The following APBB1 variants were observed in gnomAD, a reference collection of about 807,000 sequenced individuals.
APBB1 encodes adaptor protein FE65a2.
In APBB1, 22 loss-of-function variants were observed where a neutral mutation model predicts 78.4. The observed-to-expected ratio is 0.28, with a 90% confidence interval of 0.20 to 0.40. The LOEUF (loss-of-function observed/expected upper bound fraction) is 0.40. Ranked by LOEUF, APBB1 falls within the 10% of genes least tolerant of loss-of-function variation. APBB1 has a pLI of 1.00. For missense variants in APBB1, 749 were observed against 932.4 expected (o/e 0.80, Z 2.56); for synonymous variants, 369 against 372.7 (o/e 0.99, Z 0.12).
chr11:6,414,061 C>T (rs1012061640), intron 1 of APBB1, among the ~76,000 whole-genome samples: 7 of 151,864 alleles, frequency 4.6e-5, no homozygotes, highest in Non-Finnish European at 5.9e-5. Flanking sequence ...TTTCGGATAA[C>T]GCCTGCACTC....
intron 12 of APBB1, among the ~76,000 whole-genome samples, chr11:6,397,063 C>T (rs1194513553): frequency 6.6e-6 from 1 of 152,228 alleles, no homozygotes; most frequent in Non-Finnish European, 1.5e-5. Flanking sequence ...CTTTTGCTTG[C>T]ACTCAGCAGA....
At position 6,403,023 on chromosome 11, in the gene APBB1, TG is replaced by T; in HGVS notation, c.1104+121del. 1.0e-6 allele frequency: 1 copy of T among 998,464 alleles called. No individual in the cohort carries two copies. The highest frequency in any genetic ancestry group is 2.5e-5 in the East Asian group (1 of 40,342). 61.9% of individuals were successfully genotyped at this position (998,464 alleles called of 1,614,324 possible). A position where few individuals can be genotyped will look rare whatever the true frequency, so the allele number is the denominator to read the frequency against. ...CAGACACAGGGCTCTGTGCTGAGAC[TG>T]GAAGAACTCCTAACTCAGGACCTGG... On this transcript the variant is annotated intron_variant, in intron 6 of 14. Transcript: ENST00000609360. This position sits in a 1 kb window ranked among gnomAD's most constrained non-coding sequence, Gnocchi z 5.3.
At chr11:6,407,981 T>G (rs1327380782) in intron 2 of APBB1, among the ~76,000 whole-genome samples, 1 of 151,924 alleles carries the variant, frequency 6.6e-6, no homozygotes, top group Non-Finnish European at 1.5e-5. Context: ...GGGTTTCACC[T>G]TGTTAGCCAG....
At chr11:6,410,386 A>G (rs12788643) in intron 2 of APBB1, among the ~76,000 whole-genome samples, 1 of 152,230 alleles carries the variant, frequency 6.6e-6, no homozygotes. Flanking sequence ...CCAGTAAACT[A>G]GTCCACTTAT....
In APBB1 at chr11:6,401,499, C is replaced by G; in HGVS notation, c.1504-70G>C. On this transcript the variant is annotated intron_variant, in intron 10 of 14. Coordinates refer to ENST00000609360, the MANE Select transcript of APBB1 (RefSeq NM_001164.5). This position sits in a 1 kb window ranked among gnomAD's most constrained non-coding sequence, Gnocchi z 4.5. ...GCCTCATTGCCCTGGGGCCCCCCTA[C>G]AGCACTCAGTGACCCCACCCACACC... is the stretch of plus-strand genomic sequence containing the variant. 6.2e-7 allele frequency: 1 copy of G among 1,613,106 alleles called. No individual in the cohort carries two copies. The highest frequency in any genetic ancestry group is 8.5e-7 in the Non-Finnish European group (1 of 1,179,316).
chr11:6,396,457 C>G (rs1286123941), intron 12 of APBB1: 4 of 485,482 alleles, frequency 8.2e-6, no homozygotes, highest in Middle Eastern at 1.1e-3. Flanking sequence ...TTTTCACCGG[C>G]TCTGCCTATT....
rs1284264535 is a variant in APBB1, at chr11:6,396,235, G to T, written c.1673-20C>A. 3 of 1,543,460 alleles carry T rather than the reference G, an allele frequency of 1.9e-6. No individual in the cohort carries two copies. The highest frequency in any genetic ancestry group is 1.2e-5 in the South Asian group (1 of 83,726). Reference sequence around the variant, plus strand: ...CTACCCCTAGAACATATGGACACAAGATACCACTGAGGGTAGACAGAGGAT... The same window carrying T: ...CTACCCCTAGAACATATGGACACAATATACCACTGAGGGTAGACAGAGGAT... On this transcript the variant is annotated intron_variant, in intron 12 of 14. Coordinates refer to ENST00000609360, the MANE Select transcript of APBB1 (RefSeq NM_001164.5).
At chr11:6,413,018 G>A (rs1223747879) in intron 1 of APBB1, among the ~76,000 whole-genome samples, 2 of 151,616 alleles carry the variant, frequency 1.3e-5, no homozygotes, top group Admixed American at 6.6e-5. Flanking sequence ...CCCACCCTCG[G>A]CCCCATTCCA....
In APBB1 at chr11:6,402,261, G is replaced by T. The variant is rs567409959; in HGVS notation, c.1255-52C>A. 5.6e-5 allele frequency: 89 copies of T among 1,603,304 alleles called. 1 individual carries two copies. In the Admixed American group the frequency reaches 1.2e-3, roughly 22 times the overall value. ...TGGGACTCCAGCCAGGATGGTGGCT[G>T]ATCTCTGACCCCTGCAGCTCAGGGG... On this transcript the variant is annotated intron_variant, in intron 7 of 14. Coordinates refer to ENST00000609360, the MANE Select transcript of APBB1 (RefSeq NM_001164.5).
At chr11:6,410,081 C>CAA (rs34079231) in intron 2 of APBB1, among the ~76,000 whole-genome samples, 7 of 102,892 alleles carry the variant, frequency 6.8e-5, no homozygotes, top group Non-Finnish European at 1.0e-4. Flanking sequence ...GACTCTGTCT[C>CAA]AAAAAAAAAA....
At chr11:6,419,301 C>T (rs1849203456), upstream of APBB1, 2 of 266,814 alleles carry the variant, frequency 7.5e-6, no homozygotes, top group Admixed American at 5.4e-5. Flanking sequence ...CCTGGGACCC[C>T]CGCCTAGCGC....
chr11:6,410,028 C>G (rs760259135), intron 2 of APBB1, among the ~76,000 whole-genome samples: 1 of 151,446 alleles, frequency 6.6e-6, no homozygotes, highest in Non-Finnish European at 1.5e-5. Flanking sequence ...CTGCTCCCAA[C>G]AGGCGTGACC....
intron 1 of APBB1, among the ~76,000 whole-genome samples, chr11:6,412,482 G>C (rs972377313): frequency 6.6e-6 from 1 of 152,124 alleles, no homozygotes; most frequent in Non-Finnish European, 1.5e-5. Context: ...AAATGTCACA[G>C]CCTCAGTGAA....
In APBB1 at chr11:6,403,730, G is replaced by A; in HGVS notation, c.814C>T (p.His272Tyr). ...CACTGGGTGGTCCCTGTTGGGATGT[G>A]CCAGTAATAGGTCCCTGAGGTGTCC... ...VQDTSGTYYW[H>Y]IPTGTTQWEP... The change falls in exon 3 of 15, where the codon CAC becomes TAC. Residue 272 changes from histidine to tyrosine, a missense_variant. His to Tyr is a moderately conservative substitution (Grantham distance 83). This residue lies in a region of APBB1 where 635 missense variants were observed against 765.0 expected (regional missense o/e 0.83). Transcript: ENST00000609360. The surrounding 1 kb of genome is among the most constrained non-coding windows in gnomAD (Gnocchi z 5.3). The A allele has an allele frequency of 6.2e-7, 1 of 1,610,232 alleles. No homozygotes were observed. Among genetic ancestry groups the A allele is most frequent in the Non-Finnish European group, 8.5e-7 (1 of 1,177,354 alleles).
At chr11:6,396,326 C>T (rs1262504053) in intron 12 of APBB1, 111 bp from the exon 13 acceptor site, 1 of 875,778 alleles carries the variant, frequency 1.1e-6, no homozygotes, top group Non-Finnish European at 1.7e-6. Flanking sequence ...CCCATCCCCA[C>T]TTTGCCAGCC....
rs541945552 is a variant in APBB1 at position 6,405,462 on chromosome 11, C to A, written c.722-1640G>T. On this transcript the variant is annotated intron_variant, in intron 2 of 14. Coordinates refer to ENST00000609360, the MANE Select transcript of APBB1 (RefSeq NM_001164.5). The stretch of plus-strand genomic sequence containing the variant: ...GGACCGGCTGGGAGCGCCCAGACTG[C>A]TGACGTGCTTCCCGTTACCAGGGAA... The A allele has an allele frequency of 6.1e-6, 6 of 986,860 alleles. No individual in the cohort carries two copies. In the Admixed American group the frequency reaches 1.8e-4, roughly 30 times the overall value. 61.1% of individuals were successfully genotyped at this position (986,860 alleles called of 1,614,324 possible).
rs776913521 is a variant in APBB1 at position 6,396,157 on chromosome 11, T to C, written c.1731A>G (p.Gln577=). Residue 577 remains glutamine (Q), a synonymous_variant, in exon 13 of 15, where the codon CAA becomes CAG. Transcript: ENST00000609360. ...ESVLSSSSRE[Q]WTPSHVSVAP... is the part of the protein sequence containing the mutation. ...CCACACTGACATGACTTGGGGTCCATTGTTCACGGCTGCTGGAGGACAGGA... is the reference window on the plus strand; with the variant it reads ...CCACACTGACATGACTTGGGGTCCACTGTTCACGGCTGCTGGAGGACAGGA... 1.4e-5 allele frequency: 21 copies of C among 1,552,556 alleles called. No homozygotes were observed. The highest frequency in any genetic ancestry group is 1.8e-5 in the Non-Finnish European group (21 of 1,147,708).
In APBB1 at chr11:6,402,714, C is replaced by T. The variant is rs1331075789; in HGVS notation, c.1116G>A (p.Val372=). The T allele has an allele frequency of 6.2e-7, 1 of 1,614,098 alleles. No homozygotes were observed. Among genetic ancestry groups the T allele is most frequent in the East Asian group, 2.2e-5 (1 of 44,882 alleles). ...NTNPGIKCFA[V]RSLGWVEMTE... ...TCATCTCTACCCAGCCTAGGGAGCG[C>T]ACGGCGAAACACTGCCAGACACAGA... Residue 372 remains valine, a synonymous_variant, in exon 7 of 15, where the codon GTG becomes GTA. Coordinates refer to ENST00000609360, the MANE Select transcript of APBB1 (RefSeq NM_001164.5).
chr11:6,415,688 C>G (rs1013627765), intron 1 of APBB1, among the ~76,000 whole-genome samples: 1 of 152,184 alleles, frequency 6.6e-6, no homozygotes. Flanking sequence ...GGGAAGCCAT[C>G]CAACTGGGTA....
Sources: allele counts gnomAD v4.1 joint callset (sites outside exome capture counted in the v4.1 genomes callset), GRCh38; gene constraint gnomAD v4.1.1; regional missense constraint gnomAD v4.1.1; non-coding constraint Gnocchi (gnomAD v3.1); transcripts MANE v1.5; gene names NCBI Gene and HGNC (gene_info 2026-07-23, HGNC 2026-07-21).